Variants in PEX3 observed in about 807,000 individuals in gnomAD.
PEX3 encodes peroxisomal biogenesis factor 3, also known as peroxin-3.
Under a neutral mutation model 55.8 loss-of-function variants are expected in PEX3, and 30 were observed. That is an observed-to-expected ratio of 0.54 (90% CI 0.40 to 0.73). The LOEUF (loss-of-function observed/expected upper bound fraction) is 0.73, where lower values mean the gene tolerates loss of function less well. Among genes scored for constraint, PEX3 ranks in the 30% least tolerant of loss-of-function variants. The pLI, the probability that PEX3 is intolerant of heterozygous loss-of-function variation, is 0.00. For synonymous variants in PEX3, 135 were observed against 148.4 expected, an observed-to-expected ratio of 0.91 and a Z score of 0.66; for missense variants, 351 against 432.8, an observed-to-expected ratio of 0.81 and a Z score of 1.68.
In PEX3 at chr6:143,485,020, G is replaced by A; in HGVS notation, c.942-132G>A. The A allele has an allele frequency of 1.5e-6, 1 of 684,916 alleles. No homozygotes were observed. The highest frequency in any genetic ancestry group is 2.6e-5 in the East Asian group (1 of 38,724). 42.4% of individuals were successfully genotyped at this position (684,916 alleles called of 1,614,324 possible). A position where few individuals can be genotyped will look rare whatever the true frequency, so the allele number is the denominator to read the frequency against. On this transcript the variant is annotated intron_variant, in intron 10 of 11. Transcript: ENST00000367591. This position sits in a 1 kb window ranked among gnomAD's most constrained non-coding sequence, Gnocchi z 5.6. Reference sequence around the variant, plus strand: ...GTTGTTATTTCTAAGCGATAGAATTGTGGGGTTTTTTTTCCTTTTTAATAG... The same window carrying A: ...GTTGTTATTTCTAAGCGATAGAATTATGGGGTTTTTTTTCCTTTTTAATAG...
At position 143,455,612 on chromosome 6, in the gene PEX3, A is replaced by G. The variant is rs894178277; in HGVS notation, c.74-3473A>G. 1.4e-4 allele frequency among the ~76,000 whole-genome samples: 21 copies of G among 152,158 alleles called. 1 individual carries two copies. The highest frequency in any genetic ancestry group is 4.1e-4 in the African/African-American group (17 of 41,440). On this transcript the variant is annotated intron_variant, in intron 1 of 11. Coordinates refer to ENST00000367591, the MANE Select transcript of PEX3 (RefSeq NM_003630.3). ...TGGAACAGGGAAACCACATTAAGAA[A>G]TGATGGCAAGATGTTGAAGGATTCT...
rs1562654972 is a variant in PEX3, at chr6:143,472,267, G to A, written c.686G>A (p.Gly229Glu). The change falls in exon 8 of 12, where the codon GGA becomes GAA. Residue 229 changes from glycine to glutamate, a missense_variant. Transcript: ENST00000367591. ...TCTTCTTCTTGGATTAATAAAGATG[G>A]ATCCAAACCTTTATTATGCCATTAT... is the stretch of plus-strand genomic sequence containing the variant. ...HKSSSWINKDGSKPLLCHYMM... is the reference protein window; with the variant it reads ...HKSSSWINKDESKPLLCHYMM... The A allele has an allele frequency of 2.5e-6, 4 of 1,605,084 alleles. No homozygotes were observed. Among genetic ancestry groups the A allele is most frequent in the Non-Finnish European group, 3.4e-6 (4 of 1,172,256 alleles).
At position 143,479,015 on chromosome 6, in the gene PEX3, G is replaced by T; in HGVS notation, c.819-61G>T. 1 of 1,051,752 alleles carries T rather than the reference G, an allele frequency of 9.5e-7. No homozygotes were observed. The highest frequency in any genetic ancestry group is 1.6e-5 in the African/African-American group (1 of 64,044). The allele number at this position is 1,051,752 out of a possible 1,614,324, so 65.2% of individuals were successfully genotyped here. A position where few individuals can be genotyped will look rare whatever the true frequency, so the allele number is the denominator to read the frequency against. The stretch of plus-strand genomic sequence containing the variant: ...TTTCAAAGGTAACCACGTTATTACT[G>T]AATTTGTTTTCTCTTCCATTCAGAG... On this transcript the variant is annotated intron_variant, in intron 9 of 11. Transcript: ENST00000367591. The surrounding 1 kb of genome is among the most constrained non-coding windows in gnomAD (Gnocchi z 4.6).
rs1410651031 is a variant in PEX3, at chr6:143,487,770, G to C, written c.1039-1373G>C. On this transcript the variant is annotated intron_variant, in intron 11 of 11. Transcript: ENST00000367591. This position sits in a 1 kb window ranked among gnomAD's most constrained non-coding sequence, Gnocchi z 5.3. The stretch of plus-strand genomic sequence containing the variant: ...TGTAACTATTCTGAAAGCTTCATTT[G>C]TATCATGTGTTTTACATGATTTGGT... 6.6e-6 allele frequency among the ~76,000 whole-genome samples: 1 copy of C among 151,172 alleles called. No homozygotes were observed. Among genetic ancestry groups the C allele is most frequent in the African/African-American group, 2.4e-5 (1 of 41,102 alleles).
At chr6:143,461,581 GA>G (rs34748871) in intron 2 of PEX3, among the ~76,000 whole-genome samples, 4,581 of 143,838 alleles carry the variant, frequency 0.032, 188 homozygotes, top group African/African-American at 0.095. Flanking sequence ...TGATATACTA[GA>G]AAAAAAAAAA....
At chr6:143,477,216 T>C (rs1230674978) in intron 9 of PEX3, among the ~76,000 whole-genome samples, 2 of 152,130 alleles carry the variant, frequency 1.3e-5, no homozygotes, top group Non-Finnish European at 2.9e-5. Flanking sequence ...CTTTGAGAGA[T>C]TCTGAGAAAT....
intron 4 of PEX3, among the ~76,000 whole-genome samples, chr6:143,468,972 C>G (rs1291592554): frequency 6.6e-6 from 1 of 152,070 alleles, no homozygotes; most frequent in African/African-American, 2.4e-5. Flanking sequence ...TGGTTTCCAG[C>G]TTCATCCATG....
At chr6:143,452,467 A>C (rs1190774351) in intron 1 of PEX3, among the ~76,000 whole-genome samples, 5 of 152,232 alleles carry the variant, frequency 3.3e-5, no homozygotes, top group African/African-American at 1.2e-4. Flanking sequence ...AAGGAAAATT[A>C]TCTCTTTAGC....
In PEX3 at chr6:143,454,097, A is replaced by G. The variant is rs1779810715; in HGVS notation, c.73+2982A>G. On this transcript the variant is annotated intron_variant, in intron 1 of 11. Transcript: ENST00000367591. This position sits in a 1 kb window ranked among gnomAD's most constrained non-coding sequence, Gnocchi z 4.3. ...TATTAACATACATAACATTTTCAAA[A>G]AATTAATGAGTGTCATTGTTTTACA... is the stretch of plus-strand genomic sequence containing the variant. 6.6e-6 allele frequency among the ~76,000 whole-genome samples: 1 copy of G among 152,206 alleles called. No individual in the cohort carries two copies. The highest frequency in any genetic ancestry group is 2.4e-5 in the African/African-American group (1 of 41,462).
Position 143,486,151 on chromosome 6 carries a change from T to G in PEX3, c.1038+903T>G, listed in dbSNP as rs754368981. On this transcript the variant is annotated intron_variant, in intron 11 of 11. Transcript: ENST00000367591. The surrounding 1 kb of genome is among the most constrained non-coding windows in gnomAD (Gnocchi z 5.0). ...TTTTCCCACACTGGACTCTTCAGTC[T>G]TCTGTCCTCTTTCTCACCCCTAAGA... 3.9e-5 allele frequency among the ~76,000 whole-genome samples: 6 copies of G among 152,190 alleles called. No individual in the cohort carries two copies. The highest frequency in any genetic ancestry group is 1.2e-4 in the African/African-American group (5 of 41,464).
Position 143,476,214 on chromosome 6 carries a change from A to T in PEX3, c.818+1358A>T, listed in dbSNP as rs1020400592. Among the ~76,000 whole-genome samples the T allele has an allele frequency of 3.9e-5, 6 of 152,228 alleles. No homozygotes were observed. The highest frequency in any genetic ancestry group is 2.0e-4 in the Admixed American group (3 of 15,284). On this transcript the variant is annotated intron_variant, in intron 9 of 11. Transcript: ENST00000367591. This position sits in a 1 kb window ranked among gnomAD's most constrained non-coding sequence, Gnocchi z 5.4. ...CAGTTCAAGGCAGAAGAACAGTTGC[A>T]GTGATCCTAATGCTTGGCCTGTTCA... is the stretch of plus-strand genomic sequence containing the variant.
intron 10 of PEX3, among the ~76,000 whole-genome samples, chr6:143,484,368 G>A (rs984896772): frequency 6.6e-6 from 1 of 152,082 alleles, no homozygotes; most frequent in African/African-American, 2.4e-5. Flanking sequence ...ATATAGGCAA[G>A]GGAAAGAAGT....
rs1047664167 is a variant in PEX3 at position 143,476,423 on chromosome 6, A to G, written c.818+1567A>G. Among the ~76,000 whole-genome samples, 9 of 152,196 alleles carry G rather than the reference A, an allele frequency of 5.9e-5. No individual in the cohort carries two copies. The highest frequency in any genetic ancestry group is 2.2e-4 in the African/African-American group (9 of 41,460). ...GGAGAATTTTAAGCAGGGCAGTGACATCATCTGTGTTTATAAAAGATCTCA... is the reference window on the plus strand; with the variant it reads ...GGAGAATTTTAAGCAGGGCAGTGACGTCATCTGTGTTTATAAAAGATCTCA... On this transcript the variant is annotated intron_variant, in intron 9 of 11. Coordinates refer to ENST00000367591, the MANE Select transcript of PEX3 (RefSeq NM_003630.3). The surrounding 1 kb of genome is among the most constrained non-coding windows in gnomAD (Gnocchi z 5.4).
At chr6:143,461,518 A>G (rs973126384) in intron 2 of PEX3, among the ~76,000 whole-genome samples, 1 of 152,156 alleles carries the variant, frequency 6.6e-6, no homozygotes, top group African/African-American at 2.4e-5. Context: ...ATGAGCAATG[A>G]TAATGGTGTT....
At chr6:143,481,200 G>A (rs570523199) in intron 10 of PEX3, among the ~76,000 whole-genome samples, 308 of 148,718 alleles carry the variant, frequency 2.1e-3, no homozygotes, top group African/African-American at 7.0e-3. Flanking sequence ...ATGTATTAAT[G>A]TATTATATGT....
chr6:143,458,214 A>G lies in PEX3; in HGVS notation c.74-871A>G, dbSNP rs1169869449. On this transcript the variant is annotated intron_variant, in intron 1 of 11. Coordinates refer to ENST00000367591, the MANE Select transcript of PEX3 (RefSeq NM_003630.3). The surrounding 1 kb of genome is among the most constrained non-coding windows in gnomAD (Gnocchi z 6.1). ...TAGGAAAACTGACTGCCCCTCAGAT[A>G]TAGACTAAAATGTACACATATATAT... 1.3e-5 allele frequency among the ~76,000 whole-genome samples: 2 copies of G among 152,218 alleles called. No homozygotes were observed. Among genetic ancestry groups the G allele is most frequent in the African/African-American group, 2.4e-5 (1 of 41,472 alleles).
rs959546783 is a variant in PEX3, at chr6:143,488,628, G to A, written c.1039-515G>A. 3.9e-5 allele frequency among the ~76,000 whole-genome samples: 6 copies of A among 152,186 alleles called. No homozygotes were observed. The highest frequency in any genetic ancestry group is 2.1e-4 in the South Asian group (1 of 4,828). The stretch of plus-strand genomic sequence containing the variant: ...GTTAGAAGTTAAAGAAAATGAAGGT[G>A]TAATTTTTTTCTTATCTTCACATTC... On this transcript the variant is annotated intron_variant, in intron 11 of 11. Coordinates refer to ENST00000367591, the MANE Select transcript of PEX3 (RefSeq NM_003630.3). The surrounding 1 kb of genome is among the most constrained non-coding windows in gnomAD (Gnocchi z 4.9).
In PEX3 at chr6:143,459,286, A is replaced by T. The variant is rs1036199280; in HGVS notation, c.205+70A>T. ...TTGTATTAATTTGCATATCACCGGG[A>T]TCAAATTTAGAGGAAAAGGCAAAGA... On this transcript the variant is annotated intron_variant, in intron 2 of 11. Transcript: ENST00000367591. This position sits in a 1 kb window ranked among gnomAD's most constrained non-coding sequence, Gnocchi z 4.2. 7.3e-7 allele frequency: 1 copy of T among 1,361,184 alleles called. No homozygotes were observed. The highest frequency in any genetic ancestry group is 1.1e-6 in the Non-Finnish European group (1 of 952,276). 84.3% of individuals were successfully genotyped at this position (1,361,184 alleles called of 1,614,324 possible).
chr6:143,485,749 A>C lies in PEX3; in HGVS notation c.1038+501A>C, dbSNP rs1453582130. On this transcript the variant is annotated intron_variant, in intron 11 of 11. Coordinates refer to ENST00000367591, the MANE Select transcript of PEX3 (RefSeq NM_003630.3). The surrounding 1 kb of genome is among the most constrained non-coding windows in gnomAD (Gnocchi z 5.6). ...GTTTTATCAGACTACCTATAACTCC[A>C]TCTTATTTCTTCATTTCCATTTGGA... Among the ~76,000 whole-genome samples, 1 of 152,150 alleles carries C rather than the reference A, an allele frequency of 6.6e-6. No homozygotes were observed. The highest frequency in any genetic ancestry group is 1.5e-5 in the Non-Finnish European group (1 of 68,004).
Sources: gnomAD v4.1 joint callset for allele counts (sites outside exome capture counted in the v4.1 genomes callset) on GRCh38, gnomAD v4.1.1 for gene constraint, Gnocchi (gnomAD v3.1) non-coding constraint, MANE v1.5 for transcripts, NCBI Gene and HGNC (gene_info 2026-07-23, HGNC 2026-07-21) for gene names.